UMAD1: variants seen among roughly 807,000 people sequenced by gnomAD.
UMAD1 encodes the protein UBAP1-MVB12-associated (UMA) domain containing 1, also known as UBAP1-MVB12-associated (UMA)-domain containing protein 1.
A neutral mutation model predicts 6.1 loss-of-function variants in UMAD1; 8 were observed. The ratio of observed to expected loss-of-function variants is 1.30; its 90% CI spans 0.76 to 2.35. The LOEUF (loss-of-function observed/expected upper bound fraction) is 2.35. Among genes scored for constraint, UMAD1 ranks in the 30% most tolerant of loss-of-function variants. The pLI is 0.00. For synonymous variants in UMAD1, 56 were observed against 31.4 expected (o/e 1.78, Z -2.61); for missense variants, 130 against 78.4 (o/e 1.66, Z -2.49).
chr7:7,756,383 A>C (rs962402433), intron 2 of UMAD1, among the ~76,000 whole-genome samples: 1 of 152,214 alleles, frequency 6.6e-6, no homozygotes, highest in Non-Finnish European at 1.5e-5. Context: ...CAGAAAATCT[A>C]GCTTATCCTG....
intron 1 of UMAD1, among the ~76,000 whole-genome samples, chr7:7,664,174 A>G (rs13227675): frequency 0.18 from 27,281 of 152,148 alleles, 2,644 homozygotes; most frequent in Middle Eastern, 0.23. Context: ...GGAATTTACT[A>G]TTATTTTCTT....
At chr7:7,769,900 G>A (rs1017647845) in intron 2 of UMAD1, among the ~76,000 whole-genome samples, 1 of 152,094 alleles carries the variant, frequency 6.6e-6, no homozygotes, top group Non-Finnish European at 1.5e-5. Flanking sequence ...CACTCTTCCC[G>A]CTTCTCCTGC....
chr7:7,782,194 T>G (rs539418035), intron 2 of UMAD1, among the ~76,000 whole-genome samples: 1 of 152,214 alleles, frequency 6.6e-6, no homozygotes, highest in Non-Finnish European at 1.5e-5. Flanking sequence ...TACAATAGCT[T>G]GGGAATAATT....
chr7:7,701,149 T>G (rs1013880429), intron 2 of UMAD1, among the ~76,000 whole-genome samples: 1 of 152,212 alleles, frequency 6.6e-6, no homozygotes, highest in Non-Finnish European at 1.5e-5. Context: ...AATAAACATG[T>G]TCTGTATTCT....
chr7:7,775,416 GT>G (rs958655039), intron 2 of UMAD1, among the ~76,000 whole-genome samples: 4 of 152,084 alleles, frequency 2.6e-5, no homozygotes, highest in African/African-American at 9.7e-5. Context: ...AGATTTGATG[GT>G]TTTATAAGTG....
chr7:7,701,615 T>G (rs977433015), intron 2 of UMAD1, among the ~76,000 whole-genome samples: 5 of 152,292 alleles, frequency 3.3e-5, no homozygotes, highest in Admixed American at 1.3e-4. Flanking sequence ...AGAGTTGACC[T>G]TATGGGTCTT....
intron 3 of UMAD1, among the ~76,000 whole-genome samples, chr7:7,851,835 A>G (rs1783923485): frequency 6.6e-6 from 1 of 152,014 alleles, no homozygotes; most frequent in Non-Finnish European, 1.5e-5. Context: ...GTGGGTTGCC[A>G]TTTTACTTTT....
At position 7,817,182 on chromosome 7, in the gene UMAD1, A is replaced by T. The variant is rs531811919; in HGVS notation, c.156+15439A>T. On this transcript the variant is annotated intron_variant, in intron 3 of 3. Coordinates refer to ENST00000682710, the MANE Select transcript of UMAD1 (RefSeq NM_001302348.2). ...GTGTTCACTGAGCAAATTCCTGTTC[A>T]TCCTTCAAACCCCTGCTCAAATATC... 2.0e-5 allele frequency among the ~76,000 whole-genome samples: 3 copies of T among 152,282 alleles called. No individual in the cohort carries two copies. The East Asian group carries it at 5.8e-4, about 29-fold the overall frequency.
intron 1 of UMAD1, among the ~76,000 whole-genome samples, chr7:7,672,642 C>T (rs1779636128): frequency 6.6e-6 from 1 of 152,138 alleles, no homozygotes; most frequent in African/African-American, 2.4e-5. Context: ...TTATAAGGGG[C>T]TTGGCACTCA....
At chr7:7,680,627 G>A (rs1779885574) in intron 2 of UMAD1, among the ~76,000 whole-genome samples, 1 of 151,912 alleles carries the variant, frequency 6.6e-6, no homozygotes, top group African/African-American at 2.4e-5. Flanking sequence ...GATTGTTTTG[G>A]GTAGTATGGA....
At chr7:7,876,270 A>T (rs1784417621) in intron 3 of UMAD1, among the ~76,000 whole-genome samples, 1 of 152,192 alleles carries the variant, frequency 6.6e-6, no homozygotes, top group African/African-American at 2.4e-5. Context: ...AAGGAGCACT[A>T]GCAAGGAGAC....
At chr7:7,791,964 C>T (rs1173644315) in intron 2 of UMAD1, among the ~76,000 whole-genome samples, 1 of 152,134 alleles carries the variant, frequency 6.6e-6, no homozygotes, top group East Asian at 1.9e-4. Context: ...TAGTTTGAAA[C>T]TTTCTTTATA....
At chr7:7,681,419 A>T (rs1779909789) in intron 2 of UMAD1, among the ~76,000 whole-genome samples, 1 of 152,172 alleles carries the variant, frequency 6.6e-6, no homozygotes, top group Admixed American at 6.5e-5. Flanking sequence ...CTGTTCATAT[A>T]CAGTTAGCTC....
chr7:7,694,696 G>C (rs1206722233), intron 2 of UMAD1, among the ~76,000 whole-genome samples: 1 of 152,076 alleles, frequency 6.6e-6, no homozygotes, highest in African/African-American at 2.4e-5. Flanking sequence ...TTCCATCTAT[G>C]TTGTTGTAAA....
At chr7:7,806,268 C>G (rs1007063466) in intron 3 of UMAD1, among the ~76,000 whole-genome samples, 2 of 150,974 alleles carry the variant, frequency 1.3e-5, no homozygotes, top group African/African-American at 4.9e-5. Flanking sequence ...CTTCCCCCCT[C>G]TAAAATCCCT....
At chr7:7,841,442 C>T (rs1048839512) in intron 3 of UMAD1, among the ~76,000 whole-genome samples, 1 of 151,644 alleles carries the variant, frequency 6.6e-6, no homozygotes, top group African/African-American at 2.4e-5. Flanking sequence ...ACACTGGGAC[C>T]ACAGGCACAC....
intron 1 of UMAD1, among the ~76,000 whole-genome samples, chr7:7,661,243 C>G (rs1238044064): frequency 6.6e-6 from 1 of 152,122 alleles, no homozygotes; most frequent in Non-Finnish European, 1.5e-5. Context: ...TTCTTAGCTT[C>G]CTTGCGTTGG....
intron 1 of UMAD1, among the ~76,000 whole-genome samples, chr7:7,643,668 C>A (rs1341910353): frequency 1.3e-5 from 2 of 150,426 alleles, no homozygotes; most frequent in African/African-American, 2.4e-5. Flanking sequence ...GCCGAGATCG[C>A]GCCACTTCAC....
chr7:7,672,373 C>T (rs897518067), intron 1 of UMAD1, among the ~76,000 whole-genome samples: 9 of 152,086 alleles, frequency 5.9e-5, no homozygotes, highest in Non-Finnish European at 1.2e-4. Flanking sequence ...TATTTGTGTG[C>T]GTGTGAGCAT....
Sources: gnomAD v4.1 joint callset for allele counts (sites outside exome capture counted in the v4.1 genomes callset) on GRCh38, gnomAD v4.1.1 for gene constraint, MANE v1.5 for transcripts, NCBI Gene and HGNC (gene_info 2026-07-23, HGNC 2026-07-21) for gene names.